RBFOX1: variants seen among roughly 807,000 people sequenced by gnomAD.
RBFOX1 encodes the protein RNA binding fox-1 homolog 1, also known as RNA binding protein fox-1 homolog 1.
In RBFOX1, 8 loss-of-function variants were observed where a neutral mutation model predicts 57.7. That is an observed-to-expected ratio of 0.14 (90% confidence interval 0.08 to 0.25). The LOEUF (loss-of-function observed/expected upper bound fraction) is 0.25. RBFOX1 is among the 10% of genes least tolerant of loss of function. RBFOX1 has a pLI of 1.00. For synonymous variants in RBFOX1, 326 were observed against 222.4 expected, an observed-to-expected ratio of 1.47 and a Z score of -4.15; for missense variants, 611 against 548.5, an observed-to-expected ratio of 1.11 and a Z score of -1.14.
At chr16:5,626,626 C>T (rs927628891) in intron 3 of RBFOX1, among the ~76,000 whole-genome samples, 2 of 152,144 alleles carry the variant, frequency 1.3e-5, no homozygotes, top group Non-Finnish European at 2.9e-5. Flanking sequence ...TCTTCTCCCG[C>T]CATGGGAATA....
intron 3 of RBFOX1, among the ~76,000 whole-genome samples, chr16:5,844,212 G>A (rs1029739728): frequency 2.0e-5 from 3 of 152,134 alleles, no homozygotes. Flanking sequence ...TACCATGAGG[G>A]TTATTATGTT....
intron 3 of RBFOX1, among the ~76,000 whole-genome samples, chr16:6,827,185 C>T (rs116885693): frequency 1.8e-4 from 26 of 142,200 alleles, no homozygotes; most frequent in Non-Finnish European, 3.0e-4. Flanking sequence ...AAAATAAATC[C>T]ATTGTATTAG....
chr16:7,681,162 A>C (rs540022900), intron 14 of RBFOX1, among the ~76,000 whole-genome samples: 1 of 152,262 alleles, frequency 6.6e-6, no homozygotes, highest in African/African-American at 2.4e-5. Flanking sequence ...TCTTATTTTA[A>C]AATTATTTAA....
chr16:5,343,089 G>A (rs1308434079), intron 1 of RBFOX1, among the ~76,000 whole-genome samples: 1 of 152,136 alleles, frequency 6.6e-6, no homozygotes, highest in Non-Finnish European at 1.5e-5. Flanking sequence ...CTTAGTGTAA[G>A]GCTTAGGACT....
intron 11 of RBFOX1, among the ~76,000 whole-genome samples, chr16:7,639,051 A>G (rs564735746): frequency 3.2e-4 from 48 of 152,264 alleles, no homozygotes; most frequent in African/African-American, 1.1e-3. Context: ...ATACAAATTG[A>G]TCTTGATTTA....
At chr16:6,939,755 GC>G (rs1231846201) in intron 3 of RBFOX1, among the ~76,000 whole-genome samples, 1 of 152,024 alleles carries the variant, frequency 6.6e-6, no homozygotes, top group Non-Finnish European at 1.5e-5. Context: ...CAAATGATCA[GC>G]CTGCCTTGGC....
At chr16:6,877,805 T>G (rs1191900524) in intron 3 of RBFOX1, among the ~76,000 whole-genome samples, 5 of 152,138 alleles carry the variant, frequency 3.3e-5, no homozygotes, top group Non-Finnish European at 5.9e-5. Context: ...TTTGCTTGTG[T>G]AACTAGGAGA....
At chr16:6,018,568 G>A (rs1272810666), upstream of RBFOX1, among the ~76,000 whole-genome samples, 1 of 152,098 alleles carries the variant, frequency 6.6e-6, no homozygotes, top group East Asian at 1.9e-4. Flanking sequence ...GGGTGGGGGC[G>A]TCCCAGGCCA....
chr16:7,488,989 C>G (rs529644853), intron 4 of RBFOX1, among the ~76,000 whole-genome samples: 12 of 152,290 alleles, frequency 7.9e-5, no homozygotes, highest in African/African-American at 2.9e-4. Flanking sequence ...CCTCTAATCT[C>G]TCTATTGCTC....
At chr16:6,434,219 C>G (rs1597194129) in intron 2 of RBFOX1, among the ~76,000 whole-genome samples, 1 of 152,260 alleles carries the variant, frequency 6.6e-6, no homozygotes, top group South Asian at 2.1e-4. Context: ...GCTCAATATC[C>G]CTAATTACAT....
rs796342810 is a variant in RBFOX1, at chr16:5,279,101, G to GT, written c.219+39005dup. Among the ~76,000 whole-genome samples, 599 of 151,164 alleles carry GT rather than the reference G, an allele frequency of 4.0e-3. 3 individuals carry two copies. Among genetic ancestry groups the GT allele is most frequent in the African/African-American group, 0.013 (545 of 41,200 alleles). On this transcript the variant is annotated intron_variant, in intron 1 of 2. Coordinates refer to the RBFOX1 transcript ENST00000585867. ...TCTGTGGTTCCATGTGAATTTCAGG[G>GT]TTTTTTTTTCCTGTTTCTGTGAAGA... is the stretch of plus-strand genomic sequence containing the variant.
At chr16:5,265,049 C>G (rs909176957) in intron 1 of RBFOX1, among the ~76,000 whole-genome samples, 1 of 151,766 alleles carries the variant, frequency 6.6e-6, no homozygotes, top group Non-Finnish European at 1.5e-5. Context: ...AAAGTTCCTT[C>G]TTACCAAAAA....
chr16:5,603,808 G>A (rs527779641), downstream of RBFOX1, among the ~76,000 whole-genome samples: 1 of 152,314 alleles, frequency 6.6e-6, no homozygotes, highest in Admixed American at 6.5e-5. Context: ...GAAACTTGCA[G>A]GTACATGTTT....
intron 2 of RBFOX1, among the ~76,000 whole-genome samples, chr16:5,525,812 T>C (rs2044222871): frequency 6.6e-6 from 1 of 152,104 alleles, no homozygotes; most frequent in Non-Finnish European, 1.5e-5. Context: ...GCCCACAGTC[T>C]TAACACAACA....
intron 2 of RBFOX1, among the ~76,000 whole-genome samples, chr16:5,512,510 A>G (rs149233843): frequency 7.2e-5 from 11 of 152,094 alleles, no homozygotes; most frequent in African/African-American, 2.2e-4. Flanking sequence ...TTTAAACACA[A>G]TCATCACAAT....
At chr16:7,473,464 C>A (rs1001603992) in intron 4 of RBFOX1, among the ~76,000 whole-genome samples, 2 of 147,074 alleles carry the variant, frequency 1.4e-5, no homozygotes, top group Non-Finnish European at 3.0e-5. Flanking sequence ...ATTCAAGGTC[C>A]TTTATACATA....
chr16:5,600,652 G>C (rs1394923708), downstream of RBFOX1, among the ~76,000 whole-genome samples: 1 of 152,026 alleles, frequency 6.6e-6, no homozygotes, highest in African/African-American at 2.4e-5. Flanking sequence ...GAATCTGTAA[G>C]GGCCCACTGC....
chr16:7,223,891 C>T (rs909600165), intron 4 of RBFOX1, among the ~76,000 whole-genome samples: 6 of 151,744 alleles, frequency 4.0e-5, no homozygotes, highest in Non-Finnish European at 7.4e-5. Flanking sequence ...GGTTGGTGAG[C>T]ATACCTTACA....
intron 4 of RBFOX1, among the ~76,000 whole-genome samples, chr16:7,437,713 C>T (rs914784105): frequency 6.6e-6 from 1 of 152,030 alleles, no homozygotes; most frequent in African/African-American, 2.4e-5. Flanking sequence ...GGAGATTAGC[C>T]TACTCCTGCA....
Sources: gnomAD v4.1 joint callset for allele counts (sites outside exome capture counted in the v4.1 genomes callset) on GRCh38, gnomAD v4.1.1 for gene constraint, MANE v1.5 for transcripts, NCBI Gene and HGNC (gene_info 2026-07-23, HGNC 2026-07-21) for gene names.